ITIH3: variants seen among roughly 807,000 people sequenced by gnomAD.
The protein encoded by ITIH3 is inter-alpha-trypsin inhibitor heavy chain 3.
In ITIH3, 81 loss-of-function variants were observed where a neutral mutation model predicts 96.5. The observed-to-expected ratio is 0.84, with a 90% CI of 0.70 to 1.01. The LOEUF is 1.01. Ranked by LOEUF, ITIH3 falls within the 50% of genes least tolerant of loss-of-function variation. The pLI, the probability that ITIH3 is intolerant of heterozygous loss-of-function variation, is 0.00. For missense variants in ITIH3, 1,057 were observed against 1,139.3 expected, an observed-to-expected ratio of 0.93 and a Z score of 1.04; for synonymous variants, 422 against 445.2, an observed-to-expected ratio of 0.95 and a Z score of 0.66.
chr3:52,807,442 G>A (rs1306827957), intron 19 of ITIH3, among the ~76,000 whole-genome samples: 1 of 152,248 alleles, frequency 6.6e-6, no homozygotes, highest in Non-Finnish European at 1.5e-5. Flanking sequence ...CTGAGGCTCA[G>A]AGAAGGTGTG....
intron 11 of ITIH3, 45 bp from the exon 12 acceptor site, chr3:52,802,289 A>AGCCTGACCT: frequency 4.4e-6 from 7 of 1,599,816 alleles, no homozygotes; most frequent in Non-Finnish European, 6.0e-6. Context: ...CATCAGTGGG[A>AGCCTGACCT]GCCTGACCTG....
chr3:52,799,249 C>G (rs1021196759), intron 7 of ITIH3, 123 bp from the exon 8 acceptor site: 203 of 1,180,476 alleles, frequency 1.7e-4, no homozygotes, highest in Middle Eastern at 8.2e-4. Context: ...GCAGCACCCC[C>G]TAGAGGGTGG....
In ITIH3 at chr3:52,808,717, G is replaced by A. The variant is rs371355108; in HGVS notation, c.*36G>A. The A allele has an allele frequency of 1.3e-5, 20 of 1,588,852 alleles. No homozygotes were observed. Among genetic ancestry groups the A allele is most frequent in the South Asian group, 6.7e-5 (6 of 90,128 alleles). ...CAGCTCCTGTTGGGATGGATGGCCCGGATTTTATGGCATCTGGAACATGGG... is the reference window on the plus strand; with the variant it reads ...CAGCTCCTGTTGGGATGGATGGCCCAGATTTTATGGCATCTGGAACATGGG... On this transcript the variant is annotated 3_prime_UTR_variant, in exon 22 of 22. Transcript: ENST00000449956.
Position 52,804,744 on chromosome 3 carries a change from T to TA in ITIH3, c.1873+11dup. On this transcript the variant is annotated intron_variant, in intron 15 of 21. Transcript: ENST00000449956. Reference sequence around the variant, plus strand: ...CCTGCAGATGCAGAAGGTAAGCCTTTAGCCAGCCACCGGGTTGGGCATTAT... The same window carrying TA: ...CCTGCAGATGCAGAAGGTAAGCCTTTAAGCCAGCCACCGGGTTGGGCATTAT... The TA allele has an allele frequency of 1.9e-6, 3 of 1,588,744 alleles. No individual in the cohort carries two copies. Among genetic ancestry groups the TA allele is most frequent in the Non-Finnish European group, 2.6e-6 (3 of 1,166,400 alleles).
chr3:52,802,784 A>G lies in ITIH3; in HGVS notation c.1687A>G (p.Ile563Val), dbSNP rs146710819. The change falls in exon 13 of 22, where the codon ATT becomes GTT. Residue 563 changes from isoleucine to valine, a missense_variant. Transcript: ENST00000449956. ...YIERLWAYLT[I>V]EQLLEKRKNA... Reference sequence around the variant, plus strand: ...TGAGCGGCTCTGGGCCTACCTCACCATTGAGCAGCTGCTGGAGAAGCGGTG... The same window carrying G: ...TGAGCGGCTCTGGGCCTACCTCACCGTTGAGCAGCTGCTGGAGAAGCGGTG... 101 of 1,613,952 alleles carry G rather than the reference A, an allele frequency of 6.3e-5. No individual in the cohort carries two copies. The highest frequency in any genetic ancestry group is 7.6e-5 in the Non-Finnish European group (90 of 1,179,854).
chr3:52,802,923 C>A, intron 13 of ITIH3, 117 bp downstream of exon 13: 1 of 1,228,608 alleles, frequency 8.1e-7, no homozygotes, highest in Non-Finnish European at 1.1e-6. Flanking sequence ...CAGGAAGTGT[C>A]TGTAGAGCAG....
chr3:52,802,836 C>T, intron 13 of ITIH3, 30 bp downstream of exon 13: 1 of 1,612,084 alleles, frequency 6.2e-7, no homozygotes, highest in Non-Finnish European at 8.5e-7. Context: ...CCACCTGTGC[C>T]TACCCCTGGC....
At chr3:52,795,417 T>C (rs542658623) in intron 1 of ITIH3, among the ~76,000 whole-genome samples, 186 bp from the exon 2 acceptor site, 20 of 152,226 alleles carry the variant, frequency 1.3e-4, no homozygotes, top group African/African-American at 4.6e-4. Flanking sequence ...AGTTTCCCCA[T>C]CTATTCAGAG....
chr3:52,796,972 T>C, intron 4 of ITIH3, 129 bp downstream of exon 4: 2 of 1,257,682 alleles, frequency 1.6e-6, no homozygotes, highest in Middle Eastern at 2.3e-4. Flanking sequence ...TTATCCCACG[T>C]TGAGGCTGAG....
At chr3:52,804,664 G>A (rs966476278) in intron 14 of ITIH3, 62 bp from the exon 15 acceptor site, 30 of 1,552,876 alleles carry the variant, frequency 1.9e-5, no homozygotes, top group Non-Finnish European at 2.4e-5. Flanking sequence ...TCTGGTCCCT[G>A]CTCACAAGTG....
intron 6 of ITIH3, chr3:52,798,485 C>A: frequency 5.5e-6 from 1 of 180,496 alleles, no homozygotes. Context: ...CATCCTGCCC[C>A]GGGACCCTCC....
Position 52,807,798 on chromosome 3 carries a change from G to T in ITIH3, c.2313G>T (p.Gly771=), listed in dbSNP as rs753050194. ...RKNMVVSFGD[G]VTFVVVLHQV... Reference sequence around the variant, plus strand: ...ACATGGTGGTCTCCTTTGGAGATGGGGTTACCTTCGTGGTCGTCCTACACC... The same window carrying T: ...ACATGGTGGTCTCCTTTGGAGATGGTGTTACCTTCGTGGTCGTCCTACACC... Residue 771 remains glycine (G), a synonymous_variant, in exon 20 of 22, where the codon GGG becomes GGT. Coordinates refer to ENST00000449956, the MANE Select transcript of ITIH3 (RefSeq NM_002217.4). 5 of 1,612,334 alleles carry T rather than the reference G, an allele frequency of 3.1e-6. No homozygotes were observed. The highest frequency in any genetic ancestry group is 4.2e-6 in the Non-Finnish European group (5 of 1,179,374).
At chr3:52,796,063 C>T (rs183959464) in intron 2 of ITIH3, 133 of 226,812 alleles carry the variant, frequency 5.9e-4, no homozygotes, top group Non-Finnish European at 7.1e-4. Flanking sequence ...CTTTGGGAGA[C>T]AGAATGAGGC....
rs749704167 is a variant in ITIH3, at chr3:52,799,437, G to A, written c.855G>A (p.Val285=). ...GCCTTCCAGTGGTGCCTAAGAACGT[G>A]GCCTTTGTGATTGACATCAGCGGCT... ...PQGLPVVPKN[V]AFVIDISGSM... Residue 285 remains valine (V), a synonymous_variant, in exon 8 of 22, where the codon GTG becomes GTA. Transcript: ENST00000449956. 9 of 1,612,610 alleles carry A rather than the reference G, an allele frequency of 5.6e-6. No homozygotes were observed. The East Asian group carries it at 2.0e-4, about 36-fold the overall frequency.
At position 52,799,832 on chromosome 3, in the gene ITIH3, T is replaced by C; in HGVS notation, c.986T>C (p.Val329Ala). ...AATTTCATCCTGTTCAGTGGAGATG[T>C]GTCCACATGGAAAGAGCACTTAGTC... ...YLNFILFSGD[V>A]STWKEHLVQA... Residue 329 changes from valine (V) to alanine (A), a missense_variant, in exon 9 of 22, where the codon GTG becomes GCG. By Grantham distance (64) the Val-to-Ala change is moderately conservative. Coordinates refer to ENST00000449956, the MANE Select transcript of ITIH3 (RefSeq NM_002217.4). 6.2e-7 allele frequency: 1 copy of C among 1,613,826 alleles called. No homozygotes were observed. The highest frequency in any genetic ancestry group is 8.5e-7 in the Non-Finnish European group (1 of 1,179,782).
Position 52,803,950 on chromosome 3 carries a change from T to C in ITIH3, c.1805T>C (p.Val602Ala). 1 of 1,613,746 alleles carries C rather than the reference T, an allele frequency of 6.2e-7. No homozygotes were observed. The highest frequency in any genetic ancestry group is 1.7e-5 in the Admixed American group (1 of 59,992). Residue 602 changes from valine to alanine, a missense_variant, in exon 14 of 22, where the codon GTG (valine) becomes GCG (alanine). Transcript: ENST00000449956. ...TTTGTGACTCCACTGACCTCAATGG[T>C]GGTGACCAAGCCTGAGGACAACGAG... ...YHFVTPLTSM[V>A]VTKPEDNEDE...
intron 9 of ITIH3, among the ~76,000 whole-genome samples, 181 bp downstream of exon 9, chr3:52,800,102 G>T (rs924088660): frequency 6.6e-6 from 1 of 152,144 alleles, no homozygotes; most frequent in Non-Finnish European, 1.5e-5. Context: ...TCTTCTCCGT[G>T]GTCCAGGGAA....
At chr3:52,807,480 C>T (rs556041772) in intron 19 of ITIH3, among the ~76,000 whole-genome samples, 14 of 152,366 alleles carry the variant, frequency 9.2e-5, no homozygotes, top group Admixed American at 7.8e-4. Flanking sequence ...CTCAGGAAGT[C>T]AGTGGCTTAG....
In ITIH3 at chr3:52,795,687, C is replaced by T. The variant is rs1403205434; in HGVS notation, c.114+64C>T. On this transcript the variant is annotated intron_variant, in intron 2 of 21. Coordinates refer to ENST00000449956, the MANE Select transcript of ITIH3 (RefSeq NM_002217.4). Reference sequence around the variant, plus strand: ...GGGCAGGATGGAGCTGGTTCCCCAACTGCTGAAGGTGTAGGCTATAACAGC... The same window carrying T: ...GGGCAGGATGGAGCTGGTTCCCCAATTGCTGAAGGTGTAGGCTATAACAGC... 10 of 1,506,692 alleles carry T rather than the reference C, an allele frequency of 6.6e-6. No homozygotes were observed. The Admixed American group carries it at 1.6e-4, about 24-fold the overall frequency. 93.3% of individuals were successfully genotyped at this position (1,506,692 alleles called of 1,614,324 possible). A position where few individuals can be genotyped will look rare whatever the true frequency, so the allele number is the denominator to read the frequency against.
Sources: allele counts gnomAD v4.1 joint callset (sites outside exome capture counted in the v4.1 genomes callset), GRCh38; gene constraint gnomAD v4.1.1; transcripts MANE v1.5; gene names NCBI Gene and HGNC (gene_info 2026-07-23, HGNC 2026-07-21).